Variants in PCDHGA1 observed in about 807,000 individuals in gnomAD.
The protein encoded by PCDHGA1 is protocadherin gamma-A1.
A neutral mutation model predicts 58.0 loss-of-function variants in PCDHGA1; 32 were observed. That is an observed-to-expected ratio of 0.55 (90% confidence interval 0.42 to 0.74). The LOEUF (loss-of-function observed/expected upper bound fraction) is 0.74, where lower values mean the gene tolerates loss of function less well. Among genes scored for constraint, PCDHGA1 ranks in the 30% least tolerant of loss-of-function variants. The probability of loss-of-function intolerance (pLI) is 0.00; values close to 1 mark genes in which losing one functional copy is unlikely to be tolerated. For synonymous variants in PCDHGA1, 498 were observed against 501.1 expected (o/e 0.99, Z 0.08); for missense variants, 1,205 against 1,182.3 (o/e 1.02, Z -0.28).
At chr5:141,456,827 G>A (rs183303757) in intron 1 of PCDHGA1, among the ~76,000 whole-genome samples, 13 of 152,236 alleles carry the variant, frequency 8.5e-5, no homozygotes, top group South Asian at 2.1e-4. Flanking sequence ...AGCCATCGTG[G>A]TAGTGGGCGC....
At position 141,485,892 on chromosome 5, in the gene PCDHGA1, C is replaced by T; in HGVS notation, c.2422-8915C>T. On this transcript the variant is annotated intron_variant, in intron 1 of 3. Coordinates refer to ENST00000517417, the MANE Select transcript of PCDHGA1 (RefSeq NM_018912.3). The surrounding 1 kb of genome is among the most constrained non-coding windows in gnomAD (Gnocchi z 5.7). ...GTGCTGGACGTAAACGACAACGCCC[C>T]AGCCTTCCAGCAATCCAGCTACAGG... is the stretch of plus-strand genomic sequence containing the variant. 6.2e-7 allele frequency: 1 copy of T among 1,614,194 alleles called. No individual in the cohort carries two copies.
Position 141,485,172 on chromosome 5 carries a change from C to A in PCDHGA1, c.2422-9635C>A. ...CAAGTAGAGAATTAGCGGGCGGCAG[C>A]AATGCTCCGCAAGGTGAGAAGCTGG... On this transcript the variant is annotated intron_variant, in intron 1 of 3. Transcript: ENST00000517417. The surrounding 1 kb of genome is among the most constrained non-coding windows in gnomAD (Gnocchi z 5.7). 6.2e-7 allele frequency: 1 copy of A among 1,610,164 alleles called. No individual in the cohort carries two copies. The highest frequency in any genetic ancestry group is 8.5e-7 in the Non-Finnish European group (1 of 1,176,940).
Position 141,331,451 on chromosome 5 carries a change from C to T in PCDHGA1, c.767C>T (p.Pro256Leu), listed in dbSNP as rs376949512. 3.8e-5 allele frequency: 61 copies of T among 1,614,126 alleles called. No homozygotes were observed. The highest frequency in any genetic ancestry group is 4.8e-5 in the Non-Finnish European group (57 of 1,180,028). The part of the protein sequence containing the change: ...QYHINVPENV[P>L]LGTQLLMVNA... ...CATATAAATGTCCCCGAAAACGTGC[C>T]GCTGGGTACTCAGCTGCTCATGGTA... Residue 256 changes from proline to leucine, a missense_variant, in exon 1 of 4, where the codon CCG (proline) becomes CTG (leucine). Physicochemically the swap from Pro to Leu is moderately conservative, Grantham distance 98. Transcript: ENST00000517417.
intron 1 of PCDHGA1, chr5:141,388,992 C>A: frequency 6.2e-7 from 1 of 1,613,952 alleles, no homozygotes; most frequent in Non-Finnish European, 8.5e-7. Flanking sequence ...GCTCAAAGTC[C>A]GTGACAAGGA....
intron 1 of PCDHGA1, chr5:141,371,115 G>A (rs757942462): frequency 1.2e-6 from 2 of 1,613,784 alleles, no homozygotes; most frequent in African/African-American, 1.3e-5. Context: ...TAACCCCCCA[G>A]TATTTACTCA....
intron 2 of PCDHGA1, among the ~76,000 whole-genome samples, chr5:141,502,834 A>G (rs1398558120): frequency 6.7e-6 from 1 of 149,378 alleles, no homozygotes; most frequent in Non-Finnish European, 1.5e-5. Flanking sequence ...GGAAGCCTGG[A>G]CTGGCTGAGC....
chr5:141,340,366 C>T, intron 1 of PCDHGA1: 3 of 1,614,184 alleles, frequency 1.9e-6, no homozygotes, highest in Non-Finnish European at 2.5e-6. Flanking sequence ...CCGAAAACAA[C>T]CCCAGAGGAG....
chr5:141,404,004 C>T (rs1219625288), intron 1 of PCDHGA1: 3 of 1,613,842 alleles, frequency 1.9e-6, no homozygotes, highest in Non-Finnish European at 2.5e-6. Flanking sequence ...ACCATTACAT[C>T]TCTGTTTAGC....
Position 141,332,446 on chromosome 5 carries a change from G to C in PCDHGA1, c.1762G>C (p.Val588Leu). The stretch of plus-strand genomic sequence containing the variant: ...CCTCTCCGCAGAGCCCGGCTACCTG[G>C]TGACCAAGGTGGTGGCGGTGGACAG... ...APLSAEPGYL[V>L]TKVVAVDRDS... The change falls in exon 1 of 4, where the codon GTG becomes CTG. Residue 588 changes from valine (V) to leucine (L), a missense_variant. Transcript: ENST00000517417. The surrounding 1 kb of genome is among the most constrained non-coding windows in gnomAD (Gnocchi z 4.6). 1 of 1,613,968 alleles carries C rather than the reference G, an allele frequency of 6.2e-7. No homozygotes were observed. The highest frequency in any genetic ancestry group is 8.5e-7 in the Non-Finnish European group (1 of 1,180,048).
chr5:141,436,267 T>C (rs2097805427), intron 1 of PCDHGA1, among the ~76,000 whole-genome samples: 1 of 152,198 alleles, frequency 6.6e-6, no homozygotes, highest in South Asian at 2.1e-4. Flanking sequence ...TCTGCTCACC[T>C]AACTTGATTT....
intron 1 of PCDHGA1, chr5:141,389,762 A>C (rs778570717): frequency 1.2e-6 from 2 of 1,612,968 alleles, no homozygotes; most frequent in Non-Finnish European, 1.7e-6. Flanking sequence ...AAGTGCGCAC[A>C]GCGCGTGCCT....
Position 141,476,075 on chromosome 5 carries a change from G to T in PCDHGA1, c.2422-18732G>T. ...TGAAAGTTTCTCAGCGAAATCTCAG[G>T]GACGATCTGGACCCCGCTGAGAGGA... On this transcript the variant is annotated intron_variant, in intron 1 of 3. Coordinates refer to ENST00000517417, the MANE Select transcript of PCDHGA1 (RefSeq NM_018912.3). This position sits in a 1 kb window ranked among gnomAD's most constrained non-coding sequence, Gnocchi z 7.6. The T allele has an allele frequency of 6.6e-7, 1 of 1,526,282 alleles. No homozygotes were observed. The highest frequency in any genetic ancestry group is 1.3e-5 in the South Asian group (1 of 78,462). The allele number at this position is 1,526,282 out of a possible 1,614,324, so 94.5% of individuals were successfully genotyped here.
Position 141,345,297 on chromosome 5 carries a change from C to G in PCDHGA1, c.2421+12192C>G, listed in dbSNP as rs779306388. 1.9e-6 allele frequency: 3 copies of G among 1,613,994 alleles called. No homozygotes were observed. The highest frequency in any genetic ancestry group is 1.6e-4 in the Middle Eastern group (1 of 6,062). On this transcript the variant is annotated intron_variant, in intron 1 of 3. Transcript: ENST00000517417. ...ACAAATATCAGAATATAACATTAGT[C>G]TGAGAGCCTCAGATGGGGGAAGCCC...
chr5:141,350,949 C>A, intron 1 of PCDHGA1: 1 of 1,614,064 alleles, frequency 6.2e-7, no homozygotes, highest in Non-Finnish European at 8.5e-7. Flanking sequence ...ATCCGAGTTA[C>A]GGATGCCAAT....
chr5:141,398,942 G>C (rs748252181), intron 1 of PCDHGA1: 1 of 1,613,766 alleles, frequency 6.2e-7, no homozygotes, highest in Non-Finnish European at 8.5e-7. Context: ...CAAGACGAGG[G>C]CATCAACTCA....
At chr5:141,393,989 T>G in intron 1 of PCDHGA1, 1 of 1,613,634 alleles carries the variant, frequency 6.2e-7, no homozygotes, top group Non-Finnish European at 8.5e-7. Flanking sequence ...ATTTACCTTT[T>G]AAATTAGAAA....
chr5:141,485,359 C>T lies in PCDHGA1; in HGVS notation c.2422-9448C>T. ...TGGATACGGACAGTCTGTCAGCTCG[C>T]AGGCTGCAGGTCGCTGGAGAGGTGA... is the stretch of plus-strand genomic sequence containing the variant. On this transcript the variant is annotated intron_variant, in intron 1 of 3. Transcript: ENST00000517417. The surrounding 1 kb of genome is among the most constrained non-coding windows in gnomAD (Gnocchi z 5.7). 6.2e-7 allele frequency: 1 copy of T among 1,614,144 alleles called. No homozygotes were observed. The highest frequency in any genetic ancestry group is 8.5e-7 in the Non-Finnish European group (1 of 1,180,010).
intron 1 of PCDHGA1, chr5:141,414,036 A>G: frequency 6.2e-7 from 1 of 1,612,018 alleles, no homozygotes; most frequent in South Asian, 1.1e-5. Context: ...CATTCCGAAA[A>G]TTACCTGACA....
At chr5:141,466,684 G>A (rs1337230884) in intron 1 of PCDHGA1, among the ~76,000 whole-genome samples, 1 of 152,034 alleles carries the variant, frequency 6.6e-6, no homozygotes, top group Non-Finnish European at 1.5e-5. Flanking sequence ...TTCCACTCAA[G>A]CTTCATCATA....
Sources: allele counts gnomAD v4.1 joint callset (sites outside exome capture counted in the v4.1 genomes callset), GRCh38; gene constraint gnomAD v4.1.1; non-coding constraint Gnocchi (gnomAD v3.1); transcripts MANE v1.5; gene names NCBI Gene and HGNC (gene_info 2026-07-23, HGNC 2026-07-21).